The following MTCH2 variants were observed in gnomAD, a reference collection of about 807,000 sequenced individuals.
MTCH2 encodes mitochondrial carrier 2.
Under a neutral mutation model 50.6 loss-of-function variants are expected in MTCH2, and 25 were observed. That is an observed-to-expected ratio of 0.49 (90% CI 0.36 to 0.69). The LOEUF (loss-of-function observed/expected upper bound fraction) is 0.69. Ranked by LOEUF, MTCH2 falls within the 30% of genes least tolerant of loss-of-function variation. The probability of loss-of-function intolerance (pLI) is 0.00; values close to 1 mark genes in which losing one functional copy is unlikely to be tolerated. For missense variants in MTCH2, 273 were observed against 384.4 expected (o/e 0.71, Z 2.42); for synonymous variants, 106 against 132.0 (o/e 0.80, Z 1.35).
intron 6 of MTCH2, 61 bp from the exon 7 acceptor site, chr11:47,631,148 C>A (rs2097302645): frequency 2.1e-6 from 3 of 1,407,702 alleles, no homozygotes; most frequent in Admixed American, 1.7e-5. Flanking sequence ...GTGGCTCACA[C>A]CTGTAATCCC....
chr11:47,623,059 C>T (rs2097294732), intron 11 of MTCH2, among the ~76,000 whole-genome samples: 1 of 152,104 alleles, frequency 6.6e-6, no homozygotes, highest in Non-Finnish European at 1.5e-5. Context: ...CAGAACACAG[C>T]ATTTACATGA....
chr11:47,637,003 G>C (rs891603130), intron 3 of MTCH2, among the ~76,000 whole-genome samples: 7 of 146,294 alleles, frequency 4.8e-5, no homozygotes, highest in African/African-American at 1.5e-4. Flanking sequence ...TTGTCACCCA[G>C]CTGGAGTGCA....
Position 47,618,775 on chromosome 11 carries a change from C to T in MTCH2, c.*58G>A. 6.7e-7 allele frequency: 1 copy of T among 1,487,840 alleles called. No individual in the cohort carries two copies. The highest frequency in any genetic ancestry group is 2.3e-5 in the East Asian group (1 of 44,284). 92.2% of individuals were successfully genotyped at this position (1,487,840 alleles called of 1,614,324 possible). ...CACACTGTATAGAAATCAACATTCTCTCCCATAATTCTGTGCATCTGGGAC... is the reference window on the plus strand; with the variant it reads ...CACACTGTATAGAAATCAACATTCTTTCCCATAATTCTGTGCATCTGGGAC... On this transcript the variant is annotated 3_prime_UTR_variant, in exon 13 of 13. Transcript: ENST00000302503.
chr11:47,625,285 T>C lies in MTCH2; in HGVS notation c.749+389A>G, dbSNP rs2153798987. Among the ~76,000 whole-genome samples the C allele has an allele frequency of 2.0e-5, 3 of 151,800 alleles. No individual in the cohort carries two copies. The Middle Eastern group carries it at 0.01, about 516-fold the overall frequency. On this transcript the variant is annotated intron_variant, in intron 11 of 12. Coordinates refer to ENST00000302503, the MANE Select transcript of MTCH2 (RefSeq NM_014342.4). ...AAAATACAAAAATATTAGCTGGGCA[T>C]GGTGGCGAATGCCTGTAATCCCAGC...
Position 47,618,766 on chromosome 11 carries a change from C to A in MTCH2, c.*67G>T. The A allele has an allele frequency of 1.4e-6, 2 of 1,475,776 alleles. No homozygotes were observed. Among genetic ancestry groups the A allele is most frequent in the South Asian group, 1.1e-5 (1 of 88,320 alleles). 91.4% of individuals were successfully genotyped at this position (1,475,776 alleles called of 1,614,324 possible). A position where few individuals can be genotyped will look rare whatever the true frequency, so the allele number is the denominator to read the frequency against. On this transcript the variant is annotated 3_prime_UTR_variant, in exon 13 of 13. Transcript: ENST00000302503. ...AAAGCGCGCCACACTGTATAGAAAT[C>A]AACATTCTCTCCCATAATTCTGTGC...
At position 47,625,719 on chromosome 11, in the gene MTCH2, T is replaced by C. The variant is rs2097297497; in HGVS notation, c.704A>G (p.Tyr235Cys). 5.6e-6 allele frequency: 9 copies of C among 1,613,270 alleles called. No individual in the cohort carries two copies. The highest frequency in any genetic ancestry group is 3.3e-5 in the Admixed American group (2 of 59,984). ...VTGFFASMLT[Y>C]PFVLVSNLMA... is the part of the protein sequence containing the mutation. ...AAGATTGGAGACAAGCACAAAGGGA[T>C]AGGTCAACATACTCGCAAAAAACTG... is the stretch of plus-strand genomic sequence containing the variant. The change falls in exon 11 of 13, where the codon TAT becomes TGT. Residue 235 changes from tyrosine to cysteine, a missense_variant. Physicochemically the swap from Tyr to Cys is radical, Grantham distance 194. Transcript: ENST00000302503.
intron 8 of MTCH2, among the ~76,000 whole-genome samples, chr11:47,630,173 C>T (rs2097301767): frequency 6.6e-6 from 1 of 152,098 alleles, no homozygotes; most frequent in Non-Finnish European, 1.5e-5. Flanking sequence ...GGATTACAGG[C>T]ACACACCACC....
At chr11:47,619,815 G>A (rs1366480529) in intron 12 of MTCH2, among the ~76,000 whole-genome samples, 1 of 152,082 alleles carries the variant, frequency 6.6e-6, no homozygotes, top group Non-Finnish European at 1.5e-5. Flanking sequence ...GGTGGCTCAC[G>A]CCTGTAATCT....
chr11:47,611,812 G>T, the MTCH2 span, among the ~76,000 whole-genome samples: 2 of 152,200 alleles, frequency 1.3e-5, no homozygotes, highest in Admixed American at 1.3e-4. Flanking sequence ...GCAATAAGAT[G>T]ATTCCAGAGC....
At chr11:47,631,594 C>G in intron 6 of MTCH2, 60 bp downstream of exon 6, 4 of 1,549,038 alleles carry the variant, frequency 2.6e-6, no homozygotes, top group Non-Finnish European at 3.6e-6. Flanking sequence ...GTCAACCTAT[C>G]TAAGTGGTCA....
intron 12 of MTCH2, 62 bp downstream of exon 12, chr11:47,622,639 A>G: frequency 1.5e-6 from 2 of 1,325,722 alleles, no homozygotes; most frequent in Non-Finnish European, 2.1e-6. Flanking sequence ...GACAATATTT[A>G]AGAAAACAAA....
In MTCH2 at chr11:47,618,032, G is replaced by C. The variant is rs1430635423; in HGVS notation, c.*801C>G. On this transcript the variant is annotated 3_prime_UTR_variant, in exon 13 of 13. Transcript: ENST00000302503. Reference sequence around the variant, plus strand: ...GCTCTTAAAGAAGGGGGTTACTCCTGCAGGATCTGCTTTTCATATTTTATG... The same window carrying C: ...GCTCTTAAAGAAGGGGGTTACTCCTCCAGGATCTGCTTTTCATATTTTATG... The C allele has an allele frequency of 6.6e-6, 1 of 152,248 alleles. No individual in the cohort carries two copies. Among genetic ancestry groups the C allele is most frequent in the African/African-American group, 2.4e-5 (1 of 41,472 alleles). 9.4% of individuals were successfully genotyped at this position (152,248 alleles called of 1,614,324 possible).
At chr11:47,624,516 G>C (rs1450892417) in intron 11 of MTCH2, among the ~76,000 whole-genome samples, 1 of 152,040 alleles carries the variant, frequency 6.6e-6, no homozygotes, top group Admixed American at 6.6e-5. Context: ...ATAACAATAT[G>C]TTGGCTGGGC....
intron 5 of MTCH2, among the ~76,000 whole-genome samples, chr11:47,632,978 G>A (rs888563233): frequency 1.3e-5 from 2 of 151,962 alleles, no homozygotes; most frequent in Admixed American, 6.6e-5. Flanking sequence ...GGGATTATAG[G>A]TGTGAGCCAC....
chr11:47,615,708 C>A (rs1037477249), downstream of MTCH2, among the ~76,000 whole-genome samples: 6 of 151,498 alleles, frequency 4.0e-5, no homozygotes, highest in Non-Finnish European at 8.8e-5. Flanking sequence ...TCTCAGCTCA[C>A]TGCAACCTCC....
In MTCH2 at chr11:47,629,727, C is replaced by T. The variant is rs1047278748; in HGVS notation, c.540-681G>A. Among the ~76,000 whole-genome samples the T allele has an allele frequency of 4.0e-5, 6 of 150,524 alleles. No individual in the cohort carries two copies. In the East Asian group the frequency reaches 5.8e-4, roughly 15 times the overall value. ...CAGGGTATTTATGATATTCAAAATC[C>T]GTATGGGGAGATACTCTGAAAATTA... On this transcript the variant is annotated intron_variant, in intron 8 of 12. Coordinates refer to ENST00000302503, the MANE Select transcript of MTCH2 (RefSeq NM_014342.4).
At chr11:47,613,213 AAAAC>A (rs1430187135), downstream of MTCH2, among the ~76,000 whole-genome samples, 4 of 152,090 alleles carry the variant, frequency 2.6e-5, no homozygotes, top group African/African-American at 7.2e-5. Context: ...GACTGTCTCA[AAAAC>A]AAACAAAACA....
the MTCH2 span, among the ~76,000 whole-genome samples, chr11:47,604,319 A>C: frequency 6.6e-6 from 1 of 151,766 alleles, no homozygotes; most frequent in South Asian, 2.1e-4. Flanking sequence ...TATTGTTATT[A>C]TTTTTACCTC....
At chr11:47,616,358 T>C (rs529494596), downstream of MTCH2, among the ~76,000 whole-genome samples, 1 of 152,112 alleles carries the variant, frequency 6.6e-6, no homozygotes, top group Admixed American at 6.5e-5. Context: ...ACCCCTACTT[T>C]TCTTTTTCTT....
Sources: gnomAD v4.1 joint callset for allele counts (sites outside exome capture counted in the v4.1 genomes callset) on GRCh38, gnomAD v4.1.1 for gene constraint, MANE v1.5 for transcripts, NCBI Gene and HGNC (gene_info 2026-07-23, HGNC 2026-07-21) for gene names.